The following TCF7L2 variants were observed in gnomAD, a reference collection of about 807,000 sequenced individuals.
TCF7L2 encodes the protein transcription factor 7 like 2.
TCF7L2 carries 23 observed loss-of-function variants against 77.9 expected under a neutral mutation model. The ratio of observed to expected loss-of-function variants is 0.30; its 90% confidence interval spans 0.21 to 0.42. The LOEUF (loss-of-function observed/expected upper bound fraction) is 0.42, where lower values mean the gene tolerates loss of function less well. Among genes scored for constraint, TCF7L2 ranks in the 10% least tolerant of loss-of-function variants. The pLI, the probability that TCF7L2 is intolerant of heterozygous loss-of-function variation, is 1.00. For missense variants in TCF7L2, 654 were observed against 793.1 expected, an observed-to-expected ratio of 0.82 and a Z score of 2.11; for synonymous variants, 413 against 340.2, an observed-to-expected ratio of 1.21 and a Z score of -2.36.
chr10:113,143,865 T>G, intron 6 of TCF7L2, 58 bp from the exon 7 acceptor site: 1 of 1,331,764 alleles, frequency 7.5e-7, no homozygotes. Flanking sequence ...CATCCCCTAA[T>G]GGATTGCTCT....
chr10:113,012,519 G>A (rs1033619274), intron 4 of TCF7L2, among the ~76,000 whole-genome samples: 4 of 152,164 alleles, frequency 2.6e-5, no homozygotes, highest in Non-Finnish European at 4.4e-5. Flanking sequence ...AGAATTCTAA[G>A]AGGAGAGGAA....
chr10:112,981,014 C>A (rs2040384940), intron 4 of TCF7L2, among the ~76,000 whole-genome samples: 1 of 152,156 alleles, frequency 6.6e-6, no homozygotes, highest in South Asian at 2.1e-4. Context: ...TATAAAGACA[C>A]TTTTTTCTTG....
At chr10:112,964,027 T>C (rs1337735255) in intron 3 of TCF7L2, among the ~76,000 whole-genome samples, 2 of 152,176 alleles carry the variant, frequency 1.3e-5, no homozygotes, top group Non-Finnish European at 2.9e-5. Context: ...CTGAATTCTG[T>C]CTGACACATT....
chr10:113,044,369 C>T (rs1291189343), intron 5 of TCF7L2, among the ~76,000 whole-genome samples: 1 of 152,210 alleles, frequency 6.6e-6, no homozygotes, highest in Non-Finnish European at 1.5e-5. Context: ...TTCAGGGGAA[C>T]CTACCCATAA....
At chr10:113,056,989 T>C (rs1273810380) in intron 5 of TCF7L2, among the ~76,000 whole-genome samples, 2 of 152,214 alleles carry the variant, frequency 1.3e-5, no homozygotes, top group Non-Finnish European at 2.9e-5. Flanking sequence ...TGAAATGCTA[T>C]CTGCTCTGTG....
intron 4 of TCF7L2, among the ~76,000 whole-genome samples, chr10:113,006,206 T>G (rs1358728831): frequency 4.6e-5 from 7 of 151,604 alleles, no homozygotes; most frequent in Non-Finnish European, 1.5e-5. Flanking sequence ...AGTCGTCCCA[T>G]AAGAATTTCT....
At chr10:113,101,733 C>T (rs1429475550) in intron 5 of TCF7L2, among the ~76,000 whole-genome samples, 1 of 150,766 alleles carries the variant, frequency 6.6e-6, no homozygotes, top group Non-Finnish European at 1.5e-5. Flanking sequence ...GTCCCAGCTA[C>T]TTGGGAGGCT....
chr10:112,960,140 G>T (rs1181617677), intron 3 of TCF7L2, among the ~76,000 whole-genome samples: 7 of 152,130 alleles, frequency 4.6e-5, no homozygotes, highest in Non-Finnish European at 1.0e-4. Flanking sequence ...AACCAACAGA[G>T]GATTTCAATT....
intron 5 of TCF7L2, among the ~76,000 whole-genome samples, chr10:113,052,228 G>A (rs1437870131): frequency 6.6e-6 from 1 of 152,200 alleles, no homozygotes; most frequent in African/African-American, 2.4e-5. Flanking sequence ...ACTTGGACCT[G>A]CAGGCTGGGT....
chr10:113,091,545 C>T (rs939683118), intron 5 of TCF7L2, among the ~76,000 whole-genome samples: 3 of 152,088 alleles, frequency 2.0e-5, no homozygotes, highest in African/African-American at 7.2e-5. Flanking sequence ...AGTGAAACCC[C>T]GTCTCTACTA....
chr10:113,053,714 G>C (rs989615762), intron 5 of TCF7L2, among the ~76,000 whole-genome samples: 4 of 152,160 alleles, frequency 2.6e-5, no homozygotes, highest in African/African-American at 7.2e-5. Context: ...AGAAGTACAC[G>C]ATCATGGTAA....
intron 5 of TCF7L2, 120 bp from the exon 6 acceptor site, chr10:113,141,064 T>C: frequency 8.0e-7 from 1 of 1,247,216 alleles, no homozygotes; most frequent in Admixed American, 2.0e-5. Context: ...CAGAGTTGAG[T>C]GCATCTTAGA....
intron 5 of TCF7L2, among the ~76,000 whole-genome samples, chr10:113,128,172 G>A (rs1310074155): frequency 2.6e-5 from 4 of 152,090 alleles, no homozygotes; most frequent in African/African-American, 9.7e-5. Context: ...ACCATGTAAA[G>A]GGAATGGCAG....
rs374241955 is a variant in TCF7L2 at position 113,033,132 on chromosome 10, CT to C, written c.451-6888del. 2.9e-3 allele frequency among the ~76,000 whole-genome samples: 447 copies of C among 152,072 alleles called. 5 individuals are homozygous for C. Among genetic ancestry groups the C allele is most frequent in the Middle Eastern group, 0.017 (5 of 294 alleles). On this transcript the variant is annotated intron_variant, in intron 4 of 13. Coordinates refer to ENST00000627217, the MANE Select transcript of TCF7L2 (RefSeq NM_001146274.2). ...GTCAACCTTAATATCTTACTTAAAT[CT>C]TTTTCTTTTTTATCTTTTCTTTTCT...
At chr10:112,993,532 T>G (rs1159578557) in intron 4 of TCF7L2, among the ~76,000 whole-genome samples, 1 of 151,998 alleles carries the variant, frequency 6.6e-6, no homozygotes, top group East Asian at 1.9e-4. Flanking sequence ...AAGAAAATGC[T>G]TTTGCCATGG....
intron 5 of TCF7L2, among the ~76,000 whole-genome samples, chr10:113,052,986 C>A (rs1040723747): frequency 5.9e-5 from 9 of 152,234 alleles, no homozygotes; most frequent in Admixed American, 1.3e-4. Flanking sequence ...TTATCTGATT[C>A]TTTTTTTGGT....
intron 5 of TCF7L2, among the ~76,000 whole-genome samples, chr10:113,130,912 C>T (rs1030643912): frequency 9.2e-5 from 14 of 152,124 alleles, no homozygotes; most frequent in Admixed American, 8.5e-4. Context: ...ATTACAGGCA[C>T]CCGCCACCAT....
chr10:113,118,956 T>C (rs1340519362), intron 5 of TCF7L2, among the ~76,000 whole-genome samples: 1 of 152,156 alleles, frequency 6.6e-6, no homozygotes, highest in Non-Finnish European at 1.5e-5. Context: ...GGAGAATAGA[T>C]TTACCCTTGG....
intron 3 of TCF7L2, among the ~76,000 whole-genome samples, chr10:112,958,230 C>G (rs1218292012): frequency 6.6e-6 from 1 of 152,094 alleles, no homozygotes; most frequent in Non-Finnish European, 1.5e-5. Flanking sequence ...ATGCAGTAGC[C>G]CCAACCAGGT....
Sources: allele counts gnomAD v4.1 joint callset (sites outside exome capture counted in the v4.1 genomes callset), GRCh38; gene constraint gnomAD v4.1.1; transcripts MANE v1.5; gene names NCBI Gene and HGNC (gene_info 2026-07-23, HGNC 2026-07-21).